The following MIOS variants were observed in gnomAD, a reference collection of about 807,000 sequenced individuals.
The protein encoded by MIOS is GATOR2 complex protein MIOS.
Under a neutral mutation model 96.9 loss-of-function variants are expected in MIOS, and 52 were observed. The ratio of observed to expected loss-of-function variants is 0.54; its 90% CI spans 0.43 to 0.68. The LOEUF is 0.68. Ranked by LOEUF, MIOS falls within the 30% of genes least tolerant of loss-of-function variation. The probability of loss-of-function intolerance (pLI) is 0.00; values close to 1 mark genes in which losing one functional copy is unlikely to be tolerated. For missense variants in MIOS, 1,005 were observed against 1,052.8 expected, an observed-to-expected ratio of 0.95 and a Z score of 0.63; for synonymous variants, 397 against 359.5, an observed-to-expected ratio of 1.10 and a Z score of -1.18.
intron 5 of MIOS, among the ~76,000 whole-genome samples, chr7:7,576,591 A>G (rs556776418): frequency 6.6e-6 from 1 of 152,344 alleles, no homozygotes; most frequent in South Asian, 2.1e-4. Flanking sequence ...AAGTGAGGAA[A>G]GAATGGAGGC....
chr7:7,605,642 T>C (rs1391402070), intron 11 of MIOS: 2 of 225,624 alleles, frequency 8.9e-6, no homozygotes, highest in Admixed American at 1.1e-4. Flanking sequence ...AAACTGGGCC[T>C]GGTATTTTCC....
intron 11 of MIOS, among the ~76,000 whole-genome samples, chr7:7,602,025 C>T (rs1414187488): frequency 1.3e-5 from 2 of 152,152 alleles, no homozygotes; most frequent in Admixed American, 6.5e-5. Flanking sequence ...TTCAACAACC[C>T]TTCATGCTAA....
intron 7 of MIOS, among the ~76,000 whole-genome samples, chr7:7,587,321 C>T (rs769988121): frequency 1.3e-5 from 2 of 152,040 alleles, no homozygotes; most frequent in Non-Finnish European, 2.9e-5. Flanking sequence ...TGCCCTGCCC[C>T]AGTATCCTTG....
At position 7,608,642 on chromosome 7, in the gene MIOS, CAT is replaced by C. The variant is rs1483118494; in HGVS notation, c.*1554_*1555del. ...ATCTTAATTGATTTCATTTTATTAA[CAT>C]ATACCCTTTACCTTTAATATTTCAT... On this transcript the variant is annotated 3_prime_UTR_variant, in exon 13 of 13. Transcript: ENST00000340080. The C allele has an allele frequency of 2.0e-5, 3 of 151,924 alleles. No homozygotes were observed. Among genetic ancestry groups the C allele is most frequent in the Non-Finnish European group, 4.4e-5 (3 of 67,914 alleles). 9.4% of individuals were successfully genotyped at this position (151,924 alleles called of 1,614,324 possible).
At chr7:7,600,487 TA>T (rs1323942753) in intron 11 of MIOS, among the ~76,000 whole-genome samples, 2 of 152,070 alleles carry the variant, frequency 1.3e-5, no homozygotes, top group East Asian at 3.9e-4. Context: ...TACATAATGG[TA>T]AAGGGATCAG....
intron 9 of MIOS, 136 bp downstream of exon 9, chr7:7,589,699 T>G: frequency 1.1e-6 from 1 of 877,928 alleles, no homozygotes; most frequent in Non-Finnish European, 1.7e-6. Context: ...TCAGTTGATC[T>G]ACTGAAGACT....
chr7:7,592,113 C>A (rs560683988), intron 9 of MIOS, among the ~76,000 whole-genome samples: 3 of 152,052 alleles, frequency 2.0e-5, no homozygotes, highest in Non-Finnish European at 4.4e-5. Flanking sequence ...CTCAGCCTCC[C>A]GAGTAGCTGG....
chr7:7,588,602 A>C (rs1328132086), intron 8 of MIOS, 39 bp downstream of exon 8: 2 of 1,311,380 alleles, frequency 1.5e-6, no homozygotes, highest in Admixed American at 3.9e-5. Flanking sequence ...AGTAATTAAT[A>C]TGTACTGTCA....
In MIOS at chr7:7,572,835, C is replaced by T; in HGVS notation, c.360C>T (p.Ala120=). The T allele has an allele frequency of 6.2e-7, 1 of 1,614,146 alleles. No homozygotes were observed. The highest frequency in any genetic ancestry group is 8.5e-7 in the Non-Finnish European group (1 of 1,180,002). Residue 120 remains alanine (A), a synonymous_variant, in exon 4 of 13, where the codon GCC becomes GCT. Coordinates refer to ENST00000340080, the MANE Select transcript of MIOS (RefSeq NM_019005.4). The surrounding 1 kb of genome is among the most constrained non-coding windows in gnomAD (Gnocchi z 4.8). ...ATGCACGACAATGTAATACCCTTGC[C>T]TGGAATCCACTGGATAGTAACTGGC... ...PKHARQCNTL[A]WNPLDSNWLA... is the part of the protein sequence containing the mutation.
chr7:7,579,607 T>C (rs1275338540), intron 5 of MIOS, among the ~76,000 whole-genome samples: 2 of 152,184 alleles, frequency 1.3e-5, no homozygotes, highest in Non-Finnish European at 2.9e-5. Context: ...AGAATTGTCT[T>C]GGGCCACACA....
rs1002111311 is a variant in MIOS at position 7,593,909 on chromosome 7, A to G, written c.2044-1071A>G. ...AAAAAAAAAAAAGAAAAAGAAAAGAAAAAAAGAAAACCTAAAGCAAGCATA... is the reference window on the plus strand; with the variant it reads ...AAAAAAAAAAAAGAAAAAGAAAAGAGAAAAAGAAAACCTAAAGCAAGCATA... On this transcript the variant is annotated intron_variant, in intron 9 of 12. Transcript: ENST00000340080. Among the ~76,000 whole-genome samples the G allele has an allele frequency of 1.5e-4, 22 of 151,134 alleles. 1 individual carries two copies. Among genetic ancestry groups the G allele is most frequent in the African/African-American group, 2.2e-4 (9 of 41,130 alleles).
At chr7:7,583,010 C>A in intron 5 of MIOS, 108 bp from the exon 6 acceptor site, 1 of 1,214,386 alleles carries the variant, frequency 8.2e-7, no homozygotes, top group Non-Finnish European at 1.1e-6. Context: ...AAAATTATGG[C>A]CGAGAAGTTA....
intron 12 of MIOS, 134 bp downstream of exon 12, chr7:7,606,205 C>T (rs1032910947): frequency 6.1e-5 from 72 of 1,185,158 alleles, no homozygotes; most frequent in Non-Finnish European, 8.4e-5. Context: ...CTCATGTTAA[C>T]AAAGGTGGTG....
At position 7,573,993 on chromosome 7, in the gene MIOS, C is replaced by G. The variant is rs1049757415; in HGVS notation, c.1295-105C>G. ...GTATCTCTGCAATAGAGTCGAACCACCTTATTTACACTGATACTTATTATG... is the reference window on the plus strand; with the variant it reads ...GTATCTCTGCAATAGAGTCGAACCAGCTTATTTACACTGATACTTATTATG... On this transcript the variant is annotated intron_variant, in intron 4 of 12. Transcript: ENST00000340080. The surrounding 1 kb of genome is among the most constrained non-coding windows in gnomAD (Gnocchi z 5.0). 4.5e-5 allele frequency: 44 copies of G among 981,082 alleles called. No homozygotes were observed. The highest frequency in any genetic ancestry group is 5.8e-5 in the Non-Finnish European group (39 of 671,752). The allele number at this position is 981,082 out of a possible 1,614,324, so 60.8% of individuals were successfully genotyped here. A position where few individuals can be genotyped will look rare whatever the true frequency, so the allele number is the denominator to read the frequency against.
Position 7,583,392 on chromosome 7 carries a change from G to T in MIOS, c.1648+20G>T, listed in dbSNP as rs1363576757. ...AAAAAGGTATTAGGTTATAAACTAA[G>T]ATATTAGTTATAATCTAAGATGTTA... On this transcript the variant is annotated intron_variant, in intron 6 of 12. Transcript: ENST00000340080. The T allele has an allele frequency of 1.3e-6, 2 of 1,546,152 alleles. No homozygotes were observed. The highest frequency in any genetic ancestry group is 3.9e-5 in the Admixed American group (2 of 50,752).
chr7:7,603,579 T>C (rs566033564), intron 11 of MIOS, among the ~76,000 whole-genome samples: 1,611 of 152,276 alleles, frequency 0.011, 39 homozygotes, highest in African/African-American at 0.037. Context: ...TTGGAGAGGA[T>C]GTGAAGAAAT....
At chr7:7,598,916 A>C (rs1018546356) in intron 11 of MIOS, among the ~76,000 whole-genome samples, 1 of 152,070 alleles carries the variant, frequency 6.6e-6, no homozygotes, top group South Asian at 2.1e-4. Context: ...ATTTTTTTCC[A>C]TATTTGCTAC....
chr7:7,601,593 C>CA (rs796103166), intron 11 of MIOS, among the ~76,000 whole-genome samples: 1 of 151,960 alleles, frequency 6.6e-6, no homozygotes, highest in Non-Finnish European at 1.5e-5. Context: ...GCTTACCAAC[C>CA]AAAAAAAGTC....
intron 5 of MIOS, among the ~76,000 whole-genome samples, chr7:7,577,794 A>G (rs1359402674): frequency 2.0e-5 from 3 of 152,188 alleles, no homozygotes; most frequent in Non-Finnish European, 4.4e-5. Flanking sequence ...GGGAGGTCGT[A>G]GGAAGAGGAT....
Sources: gnomAD v4.1 joint callset for allele counts (sites outside exome capture counted in the v4.1 genomes callset) on GRCh38, gnomAD v4.1.1 for gene constraint, Gnocchi (gnomAD v3.1) non-coding constraint, MANE v1.5 for transcripts, NCBI Gene and HGNC (gene_info 2026-07-23, HGNC 2026-07-21) for gene names.